The following APP variants were observed in gnomAD, a reference collection of about 807,000 sequenced individuals.
The protein encoded by APP is amyloid beta precursor protein.
Under a neutral mutation model 101.4 loss-of-function variants are expected in APP, and 31 were observed. The observed-to-expected ratio is 0.31, with a 90% CI of 0.23 to 0.41. The LOEUF (loss-of-function observed/expected upper bound fraction) is 0.41, where lower values mean the gene tolerates loss of function less well. Among genes scored for constraint, APP ranks in the 10% least tolerant of loss-of-function variants. The pLI is 1.00. For missense variants in APP, 839 were observed against 1,003.7 expected, an observed-to-expected ratio of 0.84 and a Z score of 2.22; for synonymous variants, 366 against 364.4, an observed-to-expected ratio of 1.00 and a Z score of -0.05.
intron 11 of APP, among the ~76,000 whole-genome samples, chr21:25,970,787 G>A (rs1027065555): frequency 2.6e-5 from 4 of 152,058 alleles, no homozygotes; most frequent in Admixed American, 6.6e-5. Flanking sequence ...TGATATCATC[G>A]GTAGAACAGG....
intron 1 of APP, among the ~76,000 whole-genome samples, chr21:26,117,789 T>C (rs1284513056): frequency 6.6e-6 from 1 of 152,166 alleles, no homozygotes; most frequent in Non-Finnish European, 1.5e-5. Context: ...TGTGGAGAGT[T>C]GCCACATCTA....
intron 8 of APP, among the ~76,000 whole-genome samples, chr21:25,990,625 T>C (rs920195449): frequency 6.6e-6 from 1 of 152,236 alleles, no homozygotes; most frequent in Non-Finnish European, 1.5e-5. Context: ...TCATATAAAC[T>C]GTAGCAGTAA....
chr21:25,884,894 TCTC>T (rs758811051), intron 17 of APP, among the ~76,000 whole-genome samples: 2 of 152,224 alleles, frequency 1.3e-5, no homozygotes, highest in Non-Finnish European at 2.9e-5. Context: ...GATAGGTTTA[TCTC>T]CTCTTCAAAC....
At chr21:25,923,817 G>T (rs2039741489) in intron 13 of APP, among the ~76,000 whole-genome samples, 1 of 45,652 alleles carries the variant, frequency 2.2e-5, no homozygotes, top group Non-Finnish European at 4.2e-5. Context: ...GTGGAAGTCA[G>T]TGTCGCAATT....
intron 12 of APP, 43 bp from the exon 13 acceptor site, chr21:25,954,732 G>A (rs1350942285): frequency 6.7e-7 from 1 of 1,484,104 alleles, no homozygotes; most frequent in Non-Finnish European, 9.4e-7. Context: ...ATGTCTGGGG[G>A]TAGGAATGGT....
chr21:26,116,484 A>G (rs1408866301), intron 1 of APP, among the ~76,000 whole-genome samples: 2 of 152,218 alleles, frequency 1.3e-5, no homozygotes, highest in African/African-American at 2.4e-5. Context: ...ATTAAATGCA[A>G]AGCCACCTTC....
At chr21:26,017,784 A>G (rs186516416) in intron 6 of APP, among the ~76,000 whole-genome samples, 31 of 152,368 alleles carry the variant, frequency 2.0e-4, no homozygotes, top group Admixed American at 1.9e-3. Flanking sequence ...CTTGAAGAAC[A>G]GAAAATTAGG....
chr21:26,094,567 A>T (rs918477738), intron 2 of APP, among the ~76,000 whole-genome samples: 1 of 149,304 alleles, frequency 6.7e-6, no homozygotes, highest in African/African-American at 2.4e-5. Context: ...AAAAATATTT[A>T]TATTTATATA....
intron 14 of APP, among the ~76,000 whole-genome samples, chr21:25,908,493 T>G (rs373091852): frequency 1.3e-5 from 2 of 152,186 alleles, no homozygotes; most frequent in Admixed American, 6.5e-5. Flanking sequence ...TGTGTGTGTG[T>G]GCACATGTCT....
intron 11 of APP, among the ~76,000 whole-genome samples, chr21:25,956,134 A>G (rs902165242): frequency 3.3e-5 from 5 of 152,204 alleles, no homozygotes; most frequent in Admixed American, 3.3e-4. Context: ...CTACGTGTAC[A>G]TTTTGAAGAC....
At chr21:25,987,706 C>T (rs769394851) in intron 8 of APP, among the ~76,000 whole-genome samples, 2 of 152,172 alleles carry the variant, frequency 1.3e-5, no homozygotes, top group Non-Finnish European at 2.9e-5. Flanking sequence ...TATTCTTTGC[C>T]ACCCTGGGAA....
chr21:26,140,416 C>A, intron 1 of APP: 1 of 1,363,548 alleles, frequency 7.3e-7, no homozygotes, highest in Non-Finnish European at 9.6e-7. Context: ...GCACACTGCG[C>A]CAACTTCTAA....
At chr21:26,093,966 T>A (rs2061884575) in intron 2 of APP, among the ~76,000 whole-genome samples, 1 of 151,830 alleles carries the variant, frequency 6.6e-6, no homozygotes, top group African/African-American at 2.4e-5. Flanking sequence ...ATACAAAAAT[T>A]AGCTGGGCGT....
intron 1 of APP, among the ~76,000 whole-genome samples, chr21:26,122,422 T>C (rs760593297): frequency 1.3e-5 from 2 of 152,202 alleles, no homozygotes; most frequent in Non-Finnish European, 2.9e-5. Flanking sequence ...TATCATATTG[T>C]CTTCAATGTG....
intron 3 of APP, among the ~76,000 whole-genome samples, chr21:26,063,850 G>T (rs1284591469): frequency 6.6e-6 from 1 of 152,210 alleles, no homozygotes; most frequent in Non-Finnish European, 1.5e-5. Context: ...ACATAAAGTG[G>T]GAAGAAGAGT....
intron 1 of APP, among the ~76,000 whole-genome samples, chr21:26,154,650 C>T (rs1034487078): frequency 1.3e-5 from 2 of 152,114 alleles, no homozygotes; most frequent in Non-Finnish European, 2.9e-5. Context: ...GGGGATGCAG[C>T]AACATGAAGC....
chr21:26,058,810 G>A (rs556578838), intron 3 of APP, among the ~76,000 whole-genome samples: 30 of 152,238 alleles, frequency 2.0e-4, no homozygotes, highest in South Asian at 1.7e-3. Flanking sequence ...GGCCGGGCGC[G>A]GTGGCTCACG....
intron 2 of APP, among the ~76,000 whole-genome samples, chr21:26,096,151 C>T (rs1420969690): frequency 1.3e-5 from 2 of 152,170 alleles, no homozygotes. Context: ...CATTAGGGTC[C>T]CCCCACATGG....
At chr21:26,064,095 T>TA (rs888609553) in intron 3 of APP, among the ~76,000 whole-genome samples, 3 of 152,244 alleles carry the variant, frequency 2.0e-5, no homozygotes, top group African/African-American at 4.8e-5. Flanking sequence ...TTAAGGTTAT[T>TA]AAAAAACTAG....
Sources: gnomAD v4.1 joint callset for allele counts (sites outside exome capture counted in the v4.1 genomes callset) on GRCh38, gnomAD v4.1.1 for gene constraint, MANE v1.5 for transcripts, NCBI Gene and HGNC (gene_info 2026-07-23, HGNC 2026-07-21) for gene names.